The following SPG11 variants were observed in gnomAD, a reference collection of about 807,000 sequenced individuals.
SPG11 encodes spatacsin.
A neutral mutation model predicts 274.0 loss-of-function variants in SPG11; 222 were observed. That is an observed-to-expected ratio of 0.81 (90% CI 0.73 to 0.91). The LOEUF (loss-of-function observed/expected upper bound fraction) is 0.91. Among genes scored for constraint, SPG11 ranks in the 40% least tolerant of loss-of-function variants. The pLI is 0.00. For synonymous variants in SPG11, 1,144 were observed against 1,039.7 expected (o/e 1.10, Z -1.93); for missense variants, 3,114 against 2,872.7 (o/e 1.08, Z -1.92).
At chr15:44,661,215 C>A (rs540510974) in intron 1 of SPG11, among the ~76,000 whole-genome samples, 9 of 152,274 alleles carry the variant, frequency 5.9e-5, no homozygotes, top group East Asian at 5.8e-4. Flanking sequence ...TTAACAGCCA[C>A]ATGTAGCTAA....
chr15:44,651,882 C>T lies in SPG11; in HGVS notation c.1065G>A (p.Glu355=). 1 of 1,613,226 alleles carries T rather than the reference C, an allele frequency of 6.2e-7. No individual in the cohort carries two copies. Among genetic ancestry groups the T allele is most frequent in the Non-Finnish European group, 8.5e-7 (1 of 1,179,626 alleles). Residue 355 remains glutamate (E), a synonymous_variant, in exon 6 of 40, where the codon GAG becomes GAA. Coordinates refer to ENST00000261866, the MANE Select transcript of SPG11 (RefSeq NM_025137.4). ...GGAACCATGGAGCACAACAGGAAACCTCCAGTTTGGAGTTCTTTATTGTTT... is the reference window on the plus strand; with the variant it reads ...GGAACCATGGAGCACAACAGGAAACTTCCAGTTTGGAGTTCTTTATTGTTT... ...LNETIKNSKL[E]VSCCAPWFQD...
chr15:44,569,800 T>C (rs1294119301), intron 34 of SPG11, among the ~76,000 whole-genome samples: 2 of 149,778 alleles, frequency 1.3e-5, no homozygotes, highest in African/African-American at 4.9e-5. Context: ...CACTGCAACC[T>C]CCGCCTCCCG....
chr15:44,631,142 A>G (rs920571277), intron 8 of SPG11, among the ~76,000 whole-genome samples: 1 of 152,194 alleles, frequency 6.6e-6, no homozygotes, highest in South Asian at 2.1e-4. Context: ...AATTCTAGTA[A>G]TATAAGTAAA....
chr15:44,619,486 A>G (rs1162914837), intron 15 of SPG11, among the ~76,000 whole-genome samples: 1 of 152,098 alleles, frequency 6.6e-6, no homozygotes, highest in Non-Finnish European at 1.5e-5. Context: ...TCCCCTCATT[A>G]TTTCTTAATT....
At chr15:44,613,608 G>T in intron 16 of SPG11, 72 bp from the exon 17 acceptor site, 1 of 954,658 alleles carries the variant, frequency 1.0e-6, no homozygotes, top group Non-Finnish European at 1.7e-6. Context: ...ATTTTGCTCA[G>T]GCGATGATTA....
At chr15:44,655,244 A>G (rs1168765404) in intron 4 of SPG11, among the ~76,000 whole-genome samples, 1 of 152,222 alleles carries the variant, frequency 6.6e-6, no homozygotes, top group Non-Finnish European at 1.5e-5. Context: ...CCTGGACAAC[A>G]TAGCAAGATC....
At position 44,591,388 on chromosome 15, in the gene SPG11, G is replaced by A. The variant is rs552752872; in HGVS notation, c.4743+943C>T. ...TTCTTGATTCTTTATCCTCCTGAGT[G>A]TCCTTGTTAAAATTAGCTGGGATTA... On this transcript the variant is annotated intron_variant, in intron 27 of 39. Transcript: ENST00000261866. Among the ~76,000 whole-genome samples the A allele has an allele frequency of 3.3e-5, 5 of 152,216 alleles. No individual in the cohort carries two copies. In the East Asian group the frequency reaches 7.7e-4, roughly 24 times the overall value.
chr15:44,572,961 ATT>A, intron 32 of SPG11, 141 bp from the exon 33 acceptor site: 1 of 643,904 alleles, frequency 1.6e-6, no homozygotes, highest in Admixed American at 2.2e-5. Context: ...CCTATTGGTC[ATT>A]TTATAGGACA....
chr15:44,608,560 G>T lies in SPG11; in HGVS notation c.3337C>A (p.Pro1113Thr). Residue 1113 changes from proline to threonine, a missense_variant, in exon 19 of 40, where the codon CCC (proline) becomes ACC (threonine). Transcript: ENST00000261866. Reference sequence around the variant, plus strand: ...GTTAATGCCATCTTCAATAGCTGGGGATCCACTTTCTTCAAACAGTTTTCA... The same window carrying T: ...GTTAATGCCATCTTCAATAGCTGGGTATCCACTTTCTTCAAACAGTTTTCA... Reference protein sequence around the residue: ...ENENCLKKVDPQLLKMALTPY... With the variant: ...ENENCLKKVDTQLLKMALTPY... 1.9e-6 allele frequency: 3 copies of T among 1,614,044 alleles called. No homozygotes were observed. Among genetic ancestry groups the T allele is most frequent in the Non-Finnish European group, 2.5e-6 (3 of 1,179,988 alleles).
At chr15:44,598,401 G>T in intron 22 of SPG11, 28 bp from the exon 23 acceptor site, 1 of 1,590,982 alleles carries the variant, frequency 6.3e-7, no homozygotes, top group South Asian at 1.1e-5. Context: ...AACAAAATAT[G>T]GTGAAGAGAA....
chr15:44,616,136 T>C (rs12593632), intron 15 of SPG11, among the ~76,000 whole-genome samples: 9,629 of 151,896 alleles, frequency 0.063, 802 homozygotes, highest in African/African-American at 0.18. Context: ...GTATATTCCT[T>C]CCCAACTGCA....
intron 18 of SPG11, among the ~76,000 whole-genome samples, chr15:44,609,418 C>T (rs1179751072): frequency 8.6e-5 from 13 of 152,042 alleles, no homozygotes; most frequent in East Asian, 1.9e-4. Context: ...CATGAGCCAC[C>T]GCACCCGGCC....
chr15:44,640,643 TAG>T (rs1282356889), intron 7 of SPG11, among the ~76,000 whole-genome samples: 6 of 152,298 alleles, frequency 3.9e-5, no homozygotes, highest in African/African-American at 7.2e-5. Flanking sequence ...ATGAACAGAA[TAG>T]AGAGGTCAAA....
chr15:44,589,226 C>T (rs2082841055), intron 28 of SPG11, 26 bp downstream of exon 28: 1 of 1,611,914 alleles, frequency 6.2e-7, no homozygotes, highest in Non-Finnish European at 8.5e-7. Context: ...TTCTTAATAG[C>T]AACTTAACTG....
At position 44,658,918 on chromosome 15, in the gene SPG11, G is replaced by A. The variant is rs115821805; in HGVS notation, c.667+161C>T. 2.8e-3 allele frequency among the ~76,000 whole-genome samples: 428 copies of A among 152,302 alleles called. 3 individuals are homozygous for A. Among genetic ancestry groups the A allele is most frequent in the African/African-American group, 0.01 (416 of 41,562 alleles). On this transcript the variant is annotated intron_variant, in intron 3 of 39. Coordinates refer to ENST00000261866, the MANE Select transcript of SPG11 (RefSeq NM_025137.4). ...AAAATATAAAGCAATATACAATTTA[G>A]TATTTTAAGTTTATGAGGATCTTTT...
intron 7 of SPG11, among the ~76,000 whole-genome samples, chr15:44,640,654 A>G (rs1383117312): frequency 2.6e-5 from 4 of 152,234 alleles, no homozygotes; most frequent in Non-Finnish European, 5.9e-5. Context: ...AGAGAGGTCA[A>G]AAACAAATTC....
At chr15:44,595,500 C>G (rs761393519) in intron 25 of SPG11, 41 bp from the exon 26 acceptor site, 3 of 1,589,720 alleles carry the variant, frequency 1.9e-6, no homozygotes, top group Non-Finnish European at 2.6e-6. Context: ...GCCTGGATTA[C>G]CTGGCAAATG....
In SPG11 at chr15:44,563,034, T is replaced by C. The variant is rs1303346812; in HGVS notation, c.*87A>G. ...GTACAGTACCGGGATTGTTCAACTT[T>C]AGCAAAGATCTCCAATGCATTCTTC... On this transcript the variant is annotated 3_prime_UTR_variant, in exon 40 of 40. Coordinates refer to ENST00000261866, the MANE Select transcript of SPG11 (RefSeq NM_025137.4). 13 of 1,385,380 alleles carry C rather than the reference T, an allele frequency of 9.4e-6. No homozygotes were observed. Among genetic ancestry groups the C allele is most frequent in the East Asian group, 4.6e-5 (2 of 43,230 alleles). The allele number at this position is 1,385,380 out of a possible 1,614,324, so 85.8% of individuals were successfully genotyped here. A position where few individuals can be genotyped will look rare whatever the true frequency, so the allele number is the denominator to read the frequency against.
At chr15:44,595,158 G>T in intron 26 of SPG11, 101 bp downstream of exon 26, 3 of 1,175,406 alleles carry the variant, frequency 2.6e-6, no homozygotes, top group South Asian at 1.3e-5. Context: ...ATCTGTTGTT[G>T]GCTAAAAAAA....
Sources: gnomAD v4.1 joint callset for allele counts (sites outside exome capture counted in the v4.1 genomes callset) on GRCh38, gnomAD v4.1.1 for gene constraint, MANE v1.5 for transcripts, NCBI Gene and HGNC (gene_info 2026-07-23, HGNC 2026-07-21) for gene names.